LPIN1: variants seen among roughly 807,000 people sequenced by gnomAD.
The protein encoded by LPIN1 is phosphatidate phosphatase LPIN1.
A neutral mutation model predicts 107.5 loss-of-function variants in LPIN1; 71 were observed. That is an observed-to-expected ratio of 0.66 (90% confidence interval 0.55 to 0.80). The LOEUF is 0.80. Ranked by LOEUF, LPIN1 falls within the 30% of genes least tolerant of loss-of-function variation. The probability of loss-of-function intolerance (pLI) is 0.00; values close to 1 mark genes in which losing one functional copy is unlikely to be tolerated. For synonymous variants in LPIN1, 445 were observed against 452.6 expected (o/e 0.98, Z 0.21); for missense variants, 1,043 against 1,160.6 (o/e 0.90, Z 1.47).
At chr2:11,705,175 G>A (rs1317237599) in intron 1 of LPIN1, among the ~76,000 whole-genome samples, 1 of 152,212 alleles carries the variant, frequency 6.6e-6, no homozygotes, top group Non-Finnish European at 1.5e-5. Flanking sequence ...GTGTGGTGTT[G>A]TGGCTTTGAA....
chr2:11,690,237 A>G (rs185738095), intron 1 of LPIN1, among the ~76,000 whole-genome samples: 1 of 152,264 alleles, frequency 6.6e-6, no homozygotes, highest in Admixed American at 6.5e-5. Context: ...TGTCTATGGA[A>G]GACAAATTCC....
chr2:11,688,538 C>T (rs970125017), intron 1 of LPIN1, among the ~76,000 whole-genome samples: 1 of 152,200 alleles, frequency 6.6e-6, no homozygotes, highest in African/African-American at 2.4e-5. Context: ...AAGTGCAGCC[C>T]TTCGCAGAAA....
intron 2 of LPIN1, among the ~76,000 whole-genome samples, chr2:11,766,768 CACAAACAA>C (rs546814117): frequency 7.6e-5 from 6 of 78,758 alleles, no homozygotes; most frequent in East Asian, 1.9e-4. Context: ...AAAAAACAAA[CACAAACAA>C]ACAAACAAAC....
intron 1 of LPIN1, among the ~76,000 whole-genome samples, chr2:11,708,506 A>C (rs1663239277): frequency 6.6e-6 from 1 of 152,202 alleles, no homozygotes; most frequent in Non-Finnish European, 1.5e-5. Flanking sequence ...GGGGGCAGGC[A>C]GGAGTGGATC....
intron 1 of LPIN1, chr2:11,682,536 G>A (rs1181356950): frequency 6.6e-6 from 1 of 152,394 alleles, no homozygotes; most frequent in African/African-American, 2.4e-5. Context: ...TACCATTTCA[G>A]TTCGTGGTTG....
Position 11,792,047 on chromosome 2 carries a change from G to T in LPIN1, c.1806+41G>T, listed in dbSNP as rs7561070. On this transcript the variant is annotated intron_variant, in intron 13 of 20. Coordinates refer to ENST00000674199, the MANE Select transcript of LPIN1 (RefSeq NM_001349206.2). ...AAAGCAGTGCTCACACTTAGCAAGT[G>T]TTGGTTTTGTGTAGTGAGATTGGTT... 0.6 allele frequency: 933,874 copies of T among 1,561,184 alleles called. 289,607 individuals are homozygous for T. The highest frequency in any genetic ancestry group is 0.89 in the African/African-American group (66,094 of 74,068).
chr2:11,789,104 G>A (rs1320652584), intron 12 of LPIN1, among the ~76,000 whole-genome samples: 6 of 152,240 alleles, frequency 3.9e-5, no homozygotes, highest in African/African-American at 1.4e-4. Flanking sequence ...TAGATTATAC[G>A]TTCTTTGCTG....
At chr2:11,679,882 G>A (rs1371149731) in intron 1 of LPIN1, among the ~76,000 whole-genome samples, 1 of 152,370 alleles carries the variant, frequency 6.6e-6, no homozygotes, top group East Asian at 1.9e-4. Flanking sequence ...GGGCCTGGTG[G>A]CCTTGGCCTT....
intron 1 of LPIN1, among the ~76,000 whole-genome samples, chr2:11,701,336 G>A (rs746080342): frequency 1.1e-4 from 16 of 152,206 alleles, no homozygotes; most frequent in Non-Finnish European, 2.1e-4. Flanking sequence ...AGTTATCTTC[G>A]TAATTACCCC....
chr2:11,760,875 C>CG (rs1226472674), intron 1 of LPIN1, among the ~76,000 whole-genome samples: 34 of 152,082 alleles, frequency 2.2e-4, no homozygotes, highest in Admixed American at 2.2e-3. Context: ...ACATAGCTCA[C>CG]GTGCAAGGGT....
In LPIN1 at chr2:11,826,726, G is replaced by A. The variant is rs1206026901; in HGVS notation, c.*1935G>A. Reference sequence around the variant, plus strand: ...GGAGGAACTTTGGCTGCGAGAATGGGGGGATGTATCCCTCATGCAGTTGGC... The same window carrying A: ...GGAGGAACTTTGGCTGCGAGAATGGAGGGATGTATCCCTCATGCAGTTGGC... On this transcript the variant is annotated 3_prime_UTR_variant, in exon 21 of 21. Coordinates refer to ENST00000674199, the MANE Select transcript of LPIN1 (RefSeq NM_001349206.2). 1.3e-5 allele frequency: 2 copies of A among 152,158 alleles called. No homozygotes were observed. The highest frequency in any genetic ancestry group is 3.9e-4 in the East Asian group (2 of 5,190). 9.4% of individuals were successfully genotyped at this position (152,158 alleles called of 1,614,324 possible). A position where few individuals can be genotyped will look rare whatever the true frequency, so the allele number is the denominator to read the frequency against.
chr2:11,821,937 AT>A (rs1416806612), intron 20 of LPIN1, among the ~76,000 whole-genome samples: 3 of 152,132 alleles, frequency 2.0e-5, no homozygotes, highest in Admixed American at 2.0e-4. Flanking sequence ...CAGGAACTTG[AT>A]TCCTTTCTTA....
intron 1 of LPIN1, among the ~76,000 whole-genome samples, chr2:11,680,694 G>A (rs1572288085): frequency 6.6e-6 from 1 of 152,198 alleles, no homozygotes; most frequent in African/African-American, 2.4e-5. Flanking sequence ...TGAGTACAGT[G>A]TGTTCCCCTA....
intron 1 of LPIN1, among the ~76,000 whole-genome samples, chr2:11,692,461 G>A (rs1009198175): frequency 3.9e-5 from 6 of 152,232 alleles, no homozygotes; most frequent in Non-Finnish European, 8.8e-5. Flanking sequence ...GCAATGTTCC[G>A]GGTTCTACCC....
chr2:11,705,562 T>TG lies in LPIN1; in HGVS notation c.82-8188dup, dbSNP rs1031526968. ...GAGGAAGGGACACTTGGCTGTGGCC[T>TG]GGGGGGTGAAGAGAGGCTATCCAGT... On this transcript the variant is annotated intron_variant, in intron 1 of 21. Transcript: ENST00000449576. Among the ~76,000 whole-genome samples, 23 of 151,936 alleles carry TG rather than the reference T, an allele frequency of 1.5e-4. 1 individual carries two copies. Among genetic ancestry groups the TG allele is most frequent in the African/African-American group, 4.8e-4 (20 of 41,368 alleles).
At chr2:11,720,435 G>A (rs553756577), upstream of LPIN1, among the ~76,000 whole-genome samples, 107 of 152,218 alleles carry the variant, frequency 7.0e-4, 1 homozygote, top group South Asian at 0.02. Flanking sequence ...ATGCACAAAT[G>A]GAATGCTTTA....
At chr2:11,794,006 A>G (rs1000146025) in intron 13 of LPIN1, among the ~76,000 whole-genome samples, 1 of 152,234 alleles carries the variant, frequency 6.6e-6, no homozygotes, top group African/African-American at 2.4e-5. Flanking sequence ...TATTTTAATC[A>G]TAAACTGCCA....
intron 2 of LPIN1, among the ~76,000 whole-genome samples, chr2:11,715,832 T>C (rs758305206): frequency 1.3e-5 from 2 of 152,144 alleles, no homozygotes; most frequent in Admixed American, 6.5e-5. Flanking sequence ...TGGGTACCGA[T>C]GACCAGGAGG....
At chr2:11,755,723 C>CT (rs1297191152) in intron 1 of LPIN1, among the ~76,000 whole-genome samples, 4,782 of 138,270 alleles carry the variant, frequency 0.035, 249 homozygotes, top group African/African-American at 0.11. Context: ...ACACTTAGTT[C>CT]TTTTTTTTTT....
Sources: gnomAD v4.1 joint callset for allele counts (sites outside exome capture counted in the v4.1 genomes callset) on GRCh38, gnomAD v4.1.1 for gene constraint, MANE v1.5 for transcripts, NCBI Gene and HGNC (gene_info 2026-07-23, HGNC 2026-07-21) for gene names.